CACNA2D1: variants seen among roughly 807,000 people sequenced by gnomAD.
CACNA2D1 encodes the protein calcium voltage-gated channel auxiliary subunit alpha2delta 1, also known as voltage-dependent calcium channel subunit alpha-2/delta-1.
Under a neutral mutation model 171.5 loss-of-function variants are expected in CACNA2D1, and 53 were observed. The observed-to-expected ratio is 0.31, with a 90% CI of 0.25 to 0.39. CACNA2D1 has a LOEUF of 0.39. CACNA2D1 is among the 10% of genes least tolerant of loss of function. The probability of loss-of-function intolerance (pLI) is 1.00; values close to 1 mark genes in which losing one functional copy is unlikely to be tolerated. For missense variants in CACNA2D1, 903 were observed against 1,299.8 expected, an observed-to-expected ratio of 0.69 and a Z score of 4.69; for synonymous variants, 442 against 443.1, an observed-to-expected ratio of 1.00 and a Z score of 0.03.
intron 27 of CACNA2D1, 41 bp downstream of exon 27, chr7:81,970,634 T>G (rs1263827388): frequency 9.2e-7 from 1 of 1,084,406 alleles, no homozygotes; most frequent in Admixed American, 1.7e-5. Context: ...GGCGCAGTCT[T>G]TTGTAATGTA....
At chr7:82,259,145 A>T (rs1216027540) in intron 3 of CACNA2D1, among the ~76,000 whole-genome samples, 1 of 152,112 alleles carries the variant, frequency 6.6e-6, no homozygotes, top group Non-Finnish European at 1.5e-5. Context: ...GTAATTTCTT[A>T]AAAAATAAAG....
intron 1 of CACNA2D1, among the ~76,000 whole-genome samples, chr7:82,416,052 T>TA (rs1828134460): frequency 6.6e-6 from 1 of 151,670 alleles, no homozygotes; most frequent in South Asian, 2.1e-4. Context: ...TCATCTCTAC[T>TA]AAAAATACAA....
intron 1 of CACNA2D1, among the ~76,000 whole-genome samples, chr7:82,397,891 CTCT>C (rs1490599762): frequency 6.6e-6 from 1 of 152,066 alleles, no homozygotes; most frequent in African/African-American, 2.4e-5. Flanking sequence ...GACTAAATGG[CTCT>C]TATTAGACAA....
Position 82,384,362 on chromosome 7 carries a change from C to G in CACNA2D1, c.96-34713G>C, listed in dbSNP as rs1824081330. On this transcript the variant is annotated intron_variant, in intron 1 of 38. Transcript: ENST00000356860. ...CTTTATAAGAAGAGAGAGAGAAAGA[C>G]TGTTCTTTCTCCAGCATGTGAAGAC... 2.0e-5 allele frequency among the ~76,000 whole-genome samples: 3 copies of G among 152,246 alleles called. No homozygotes were observed. In the South Asian group the frequency reaches 6.2e-4, roughly 32 times the overall value.
rs191646591 is a variant in CACNA2D1 at position 82,085,876 on chromosome 7, A to G, written c.527-976T>C. ...ATATAATATGGGTTAAGTGTAAGAT[A>G]TAATATGGGTTAAAATAGTGCATAA... On this transcript the variant is annotated intron_variant, in intron 6 of 38. Transcript: ENST00000356860. 3.9e-5 allele frequency among the ~76,000 whole-genome samples: 6 copies of G among 152,328 alleles called. No individual in the cohort carries two copies. The East Asian group carries it at 1.2e-3, about 29-fold the overall frequency.
At chr7:82,020,947 C>T (rs955503823) in intron 12 of CACNA2D1, 1 of 152,116 alleles carries the variant, frequency 6.6e-6, no homozygotes, top group African/African-American at 2.4e-5. Flanking sequence ...AAGTTTTGCA[C>T]ACACATTCAC....
intron 1 of CACNA2D1, 47 bp downstream of exon 1, chr7:82,443,318 C>T (rs529836777): frequency 6.4e-7 from 1 of 1,564,346 alleles, no homozygotes; most frequent in South Asian, 1.2e-5. Context: ...CCCCCAACTC[C>T]CGCGGCGCCC....
intron 22 of CACNA2D1, among the ~76,000 whole-genome samples, chr7:81,984,309 A>G (rs1255605376): frequency 6.6e-6 from 1 of 152,196 alleles, no homozygotes; most frequent in Non-Finnish European, 1.5e-5. Context: ...GATAAGTAGC[A>G]TGTGAAACAT....
At chr7:82,340,858 AG>A (rs1164759147) in intron 2 of CACNA2D1, among the ~76,000 whole-genome samples, 1 of 152,188 alleles carries the variant, frequency 6.6e-6, no homozygotes, top group Non-Finnish European at 1.5e-5. Context: ...AATAATGAGA[AG>A]TGGGATTAAA....
chr7:82,327,869 G>A (rs555602494), intron 3 of CACNA2D1, among the ~76,000 whole-genome samples: 50 of 152,256 alleles, frequency 3.3e-4, no homozygotes, highest in Middle Eastern at 3.4e-3. Context: ...AGGTACCCAG[G>A]ACATTCAATT....
In CACNA2D1 at chr7:82,390,383, T is replaced by G. The variant is rs935172552; in HGVS notation, c.96-40734A>C. Among the ~76,000 whole-genome samples the G allele has an allele frequency of 4.6e-5, 7 of 152,048 alleles. 1 individual carries two copies. The highest frequency in any genetic ancestry group is 4.6e-4 in the Admixed American group (7 of 15,260). On this transcript the variant is annotated intron_variant, in intron 1 of 38. Transcript: ENST00000356860. ...AATTATGATATGTCTATTTAAAAAT[T>G]TAAAAAAAGAGAGAAAAGTCTCTTG...
chr7:82,007,572 G>A, intron 16 of CACNA2D1, 107 bp downstream of exon 16: 1 of 712,550 alleles, frequency 1.4e-6, no homozygotes, highest in Non-Finnish European at 2.5e-6. Flanking sequence ...GGCCTCACAA[G>A]ACAATTACAC....
At chr7:82,270,003 A>AC (rs1427868485) in intron 3 of CACNA2D1, among the ~76,000 whole-genome samples, 3 of 152,124 alleles carry the variant, frequency 2.0e-5, no homozygotes. Flanking sequence ...ATACAAAGAG[A>AC]ATACAAGAAA....
intron 3 of CACNA2D1, among the ~76,000 whole-genome samples, chr7:82,332,098 T>G (rs1014791506): frequency 6.6e-6 from 1 of 152,198 alleles, no homozygotes; most frequent in South Asian, 2.1e-4. Context: ...TCTTGCTCTT[T>G]CGCGCAGGCT....
At chr7:82,411,970 A>G (rs571299642) in intron 1 of CACNA2D1, among the ~76,000 whole-genome samples, 1 of 151,920 alleles carries the variant, frequency 6.6e-6, no homozygotes, top group Admixed American at 6.6e-5. Flanking sequence ...ACCCTCTTTC[A>G]TAGTTAATCA....
intron 3 of CACNA2D1, among the ~76,000 whole-genome samples, chr7:82,333,064 TAAG>T (rs1817572424): frequency 6.6e-6 from 1 of 152,064 alleles, no homozygotes; most frequent in Admixed American, 6.6e-5. Context: ...AAAAGATGTA[TAAG>T]AAGTTTATGA....
At chr7:82,007,574 C>A in intron 16 of CACNA2D1, 105 bp downstream of exon 16, 1 of 727,020 alleles carries the variant, frequency 1.4e-6, no homozygotes. Context: ...CCTCACAAGA[C>A]AATTACACTG....
At chr7:82,258,751 C>T (rs1806616824) in intron 3 of CACNA2D1, among the ~76,000 whole-genome samples, 1 of 148,292 alleles carries the variant, frequency 6.7e-6, no homozygotes, top group African/African-American at 2.5e-5. Flanking sequence ...TAAGCCAATA[C>T]TTTTGAAAAT....
At chr7:82,190,556 G>T (rs530410246) in intron 3 of CACNA2D1, among the ~76,000 whole-genome samples, 1 of 151,762 alleles carries the variant, frequency 6.6e-6, no homozygotes, top group South Asian at 2.1e-4. Context: ...CAACCCAGTA[G>T]TGTGTGGATT....
Sources: allele counts gnomAD v4.1 joint callset (sites outside exome capture counted in the v4.1 genomes callset), GRCh38; gene constraint gnomAD v4.1.1; transcripts MANE v1.5; gene names NCBI Gene and HGNC (gene_info 2026-07-23, HGNC 2026-07-21).